RAB17: variants seen among roughly 807,000 people sequenced by gnomAD.
The protein encoded by RAB17 is RAB17, member RAS oncogene family, also known as ras-related protein Rab-17.
A neutral mutation model predicts 19.3 loss-of-function variants in RAB17; 15 were observed. The observed-to-expected ratio is 0.78, with a 90% CI of 0.52 to 1.20. RAB17 has a LOEUF of 1.20. Ranked by LOEUF, RAB17 falls within the 50% of genes most tolerant of loss-of-function variation. RAB17 has a pLI of 0.00. For missense variants in RAB17, 262 were observed against 269.3 expected (o/e 0.97, Z 0.19); for synonymous variants, 110 against 112.8 (o/e 0.97, Z 0.16).
At chr2:237,575,161 G>A (rs1450804612) in intron 5 of RAB17, 33 bp from the exon 6 acceptor site, 1 of 1,572,980 alleles carries the variant, frequency 6.4e-7, no homozygotes, top group Middle Eastern at 2.0e-4. Flanking sequence ...GCTGGCTAGG[G>A]AGGGAAGTCG....
chr2:237,587,140 C>T (rs1162073777), intron 1 of RAB17, among the ~76,000 whole-genome samples: 1 of 152,194 alleles, frequency 6.6e-6, no homozygotes, highest in Non-Finnish European at 1.5e-5. Context: ...TGAGAGTGTG[C>T]GTGCACTTCC....
At position 237,574,623 on chromosome 2, in the gene RAB17, C is replaced by T; in HGVS notation, c.*396G>A. The T allele has an allele frequency of 6.6e-7, 1 of 1,522,178 alleles. No homozygotes were observed. Among genetic ancestry groups the T allele is most frequent in the Non-Finnish European group, 8.8e-7 (1 of 1,132,012 alleles). The allele number at this position is 1,522,178 out of a possible 1,614,324, so 94.3% of individuals were successfully genotyped here. On this transcript the variant is annotated 3_prime_UTR_variant, in exon 6 of 6. Coordinates refer to ENST00000264601, the MANE Select transcript of RAB17 (RefSeq NM_022449.4). ...CCCAACCCCCCAGAAGCAGGTGGGC[C>T]CAGGCTCCAGGCCAGTGCCCCCATC... is the stretch of plus-strand genomic sequence containing the variant.
chr2:237,580,952 G>A (rs2081303738), intron 2 of RAB17, among the ~76,000 whole-genome samples: 1 of 152,200 alleles, frequency 6.6e-6, no homozygotes, highest in Non-Finnish European at 1.5e-5. Context: ...GTGGGCCCCT[G>A]GACAGGTATT....
chr2:237,583,943 A>G (rs962530709), intron 2 of RAB17, among the ~76,000 whole-genome samples: 4 of 144,106 alleles, frequency 2.8e-5, no homozygotes, highest in Non-Finnish European at 6.1e-5. Context: ...AAGACCCCCA[A>G]CCTGGCCTAG....
intron 2 of RAB17, among the ~76,000 whole-genome samples, chr2:237,580,133 C>A (rs74449198): frequency 0.027 from 4,186 of 152,330 alleles, 194 homozygotes; most frequent in African/African-American, 0.094. Flanking sequence ...TAAGTCTCAG[C>A]TTCCTCATCC....
intron 3 of RAB17, chr2:237,577,703 G>A (rs2081276553): frequency 2.1e-6 from 1 of 466,878 alleles, no homozygotes; most frequent in Non-Finnish European, 3.8e-6. Context: ...GTCCTCAAAG[G>A]ACCACTTTGT....
At chr2:237,586,902 C>T (rs1200242380) in intron 1 of RAB17, among the ~76,000 whole-genome samples, 1 of 152,084 alleles carries the variant, frequency 6.6e-6, no homozygotes, top group Non-Finnish European at 1.5e-5. Flanking sequence ...TAAAGCAGAT[C>T]CCAGGCATTC....
At chr2:237,581,296 C>T (rs187679063) in intron 2 of RAB17, among the ~76,000 whole-genome samples, 219 of 151,784 alleles carry the variant, frequency 1.4e-3, no homozygotes, top group Non-Finnish European at 2.5e-3. Context: ...CTTGCTTGAG[C>T]CCAGGAGGTT....
rs188479490 is a variant in RAB17 at position 237,575,815 on chromosome 2, G to A, written c.436-335C>T. 6.5e-3 allele frequency: 1,948 copies of A among 300,010 alleles called. 18 individuals carry two copies. The highest frequency in any genetic ancestry group is 9.0e-3 in the Non-Finnish European group (1,441 of 159,418). The allele number at this position is 300,010 out of a possible 1,614,324, so 18.6% of individuals were successfully genotyped here. A position where few individuals can be genotyped will look rare whatever the true frequency, so the allele number is the denominator to read the frequency against. On this transcript the variant is annotated intron_variant, in intron 4 of 5. Coordinates refer to ENST00000264601, the MANE Select transcript of RAB17 (RefSeq NM_022449.4). ...TGATGCTGGGCAAAGAACCAACTGA[G>A]AACCCAGGAAACATGAGGCAGAGGG...
At chr2:237,580,453 G>A (rs2081299132) in intron 2 of RAB17, among the ~76,000 whole-genome samples, 1 of 152,118 alleles carries the variant, frequency 6.6e-6, no homozygotes, top group South Asian at 2.1e-4. Flanking sequence ...GAAAATGATG[G>A]CTGGAGGCTG....
chr2:237,574,613 G>A lies in RAB17; in HGVS notation c.*406C>T. ...TGGCCTGCTCCCCAACCCCCCAGAA[G>A]CAGGTGGGCCCAGGCTCCAGGCCAG... On this transcript the variant is annotated 3_prime_UTR_variant, in exon 6 of 6. Transcript: ENST00000264601. The A allele has an allele frequency of 2.0e-6, 3 of 1,531,200 alleles. No individual in the cohort carries two copies. The highest frequency in any genetic ancestry group is 2.6e-6 in the Non-Finnish European group (3 of 1,136,150). The allele number at this position is 1,531,200 out of a possible 1,614,324, so 94.9% of individuals were successfully genotyped here.
chr2:237,580,337 T>C (rs552214932), intron 2 of RAB17, among the ~76,000 whole-genome samples: 2 of 152,366 alleles, frequency 1.3e-5, no homozygotes, highest in East Asian at 3.9e-4. Flanking sequence ...CAGTTTGAAT[T>C]TGGTTTTATC....
At chr2:237,579,554 T>G (rs530834491) in intron 2 of RAB17, 7 of 152,330 alleles carry the variant, frequency 4.6e-5, no homozygotes, top group Non-Finnish European at 8.8e-5. Flanking sequence ...TCCTCTCCCC[T>G]TCTTATAAGG....
intron 4 of RAB17, 114 bp downstream of exon 4, chr2:237,577,143 G>A (rs2081271243): frequency 1.6e-6 from 2 of 1,267,316 alleles, no homozygotes; most frequent in Non-Finnish European, 2.2e-6. Context: ...ACATGTGTAA[G>A]TGTGTGCGTG....
At chr2:237,579,701 G>A (rs1263852388) in intron 2 of RAB17, 1 of 128,964 alleles carries the variant, frequency 7.8e-6, no homozygotes, top group East Asian at 2.3e-4. Flanking sequence ...CCTCTTTACG[G>A]GTGGGAGAAA....
chr2:237,582,519 C>T (rs1199819206), intron 2 of RAB17, among the ~76,000 whole-genome samples: 2 of 152,206 alleles, frequency 1.3e-5, no homozygotes, highest in African/African-American at 4.8e-5. Flanking sequence ...CTGTCCCTCC[C>T]TCGGGGATCC....
intron 4 of RAB17, chr2:237,576,452 C>T (rs976375247): frequency 1.0e-5 from 4 of 395,368 alleles, no homozygotes; most frequent in African/African-American, 2.1e-5. Context: ...CAACTTGCAA[C>T]GAGGGCTCAG....
intron 2 of RAB17, among the ~76,000 whole-genome samples, chr2:237,583,845 C>T (rs1262308827): frequency 1.3e-5 from 2 of 152,084 alleles, no homozygotes; most frequent in Non-Finnish European, 2.9e-5. Context: ...TGGCTTTCAT[C>T]TGAAAGCTGC....
At position 237,575,046 on chromosome 2, in the gene RAB17, C is replaced by T. The variant is rs375159510; in HGVS notation, c.612G>A (p.Ala204=). ...AGTGGGCGCAGCATTTGGCCTGCCT[C>T]GCGGGCCCCTTGTTCAGAGCCACAG... is the stretch of plus-strand genomic sequence containing the variant. ...DAAVALNKGP[A]RQAKCCAH The change falls in exon 6 of 6, where the codon GCG becomes GCA. Residue 204 remains alanine (A), a synonymous_variant. Transcript: ENST00000264601. The T allele has an allele frequency of 1.2e-5, 19 of 1,613,218 alleles. No homozygotes were observed. Among genetic ancestry groups the T allele is most frequent in the African/African-American group, 8.0e-5 (6 of 74,894 alleles).
Sources: gnomAD v4.1 joint callset for allele counts (sites outside exome capture counted in the v4.1 genomes callset) on GRCh38, gnomAD v4.1.1 for gene constraint, MANE v1.5 for transcripts, NCBI Gene and HGNC (gene_info 2026-07-23, HGNC 2026-07-21) for gene names.